GRIA1: variants seen among roughly 807,000 people sequenced by gnomAD.
The protein encoded by GRIA1 is glutamate receptor 1.
In GRIA1, 31 loss-of-function variants were observed where a neutral mutation model predicts 99.2. The observed-to-expected ratio is 0.31, with a 90% CI of 0.23 to 0.42. GRIA1 has a LOEUF of 0.42. Among genes scored for constraint, GRIA1 ranks in the 10% least tolerant of loss-of-function variants. GRIA1 has a pLI of 1.00. For synonymous variants in GRIA1, 438 were observed against 432.4 expected (o/e 1.01, Z -0.16); for missense variants, 782 against 1,157.5 (o/e 0.68, Z 4.71).
intron 8 of GRIA1, among the ~76,000 whole-genome samples, chr5:153,694,257 A>G (rs780331979): frequency 6.6e-6 from 1 of 152,008 alleles, no homozygotes; most frequent in Non-Finnish European, 1.5e-5. Context: ...ACACAGATTC[A>G]TCTTGCTTTT....
At chr5:153,571,573 C>T (rs1226749402) in intron 2 of GRIA1, among the ~76,000 whole-genome samples, 3 of 152,138 alleles carry the variant, frequency 2.0e-5, no homozygotes, top group East Asian at 1.9e-4. Context: ...ATACATGAGT[C>T]GTACAAAATC....
At chr5:153,745,112 C>T (rs1762054940) in intron 11 of GRIA1, among the ~76,000 whole-genome samples, 1 of 152,190 alleles carries the variant, frequency 6.6e-6, no homozygotes, top group African/African-American at 2.4e-5. Context: ...CTTTGCTCTT[C>T]CTGTTTCCAC....
chr5:153,690,004 G>T (rs935610412), intron 8 of GRIA1, among the ~76,000 whole-genome samples: 42 of 152,250 alleles, frequency 2.8e-4, no homozygotes, highest in African/African-American at 9.4e-4. Flanking sequence ...AGAAGTGGAG[G>T]CACTGTAGCA....
Position 153,647,164 on chromosome 5 carries a change from C to T in GRIA1, c.457C>T (p.Arg153Trp), listed in dbSNP as rs562539388. The change falls in exon 3 of 16, where the codon CGG becomes TGG. Residue 153 changes from arginine to tryptophan, a missense_variant. Physicochemically the swap from Arg to Trp is moderately radical, Grantham distance 101. This residue lies in a region of GRIA1 where 461 missense variants were observed against 521.7 expected (regional missense o/e 0.88). Coordinates refer to ENST00000285900, the MANE Select transcript of GRIA1 (RefSeq NM_000827.4). ...QKFVYIYDAD[R>W]GLSVLQKVLD... Reference sequence around the variant, plus strand: ...ATTTGTCTACATTTATGATGCCGACCGGGGTAAGCCAAGGGTTAGGGGAGG... The same window carrying T: ...ATTTGTCTACATTTATGATGCCGACTGGGGTAAGCCAAGGGTTAGGGGAGG... 37 of 1,613,568 alleles carry T rather than the reference C, an allele frequency of 2.3e-5. No individual in the cohort carries two copies. Among genetic ancestry groups the T allele is most frequent in the Admixed American group, 6.7e-5 (4 of 59,972 alleles).
chr5:153,588,685 C>G (rs1365750529), intron 2 of GRIA1, among the ~76,000 whole-genome samples: 4 of 151,760 alleles, frequency 2.6e-5, no homozygotes, highest in Non-Finnish European at 5.9e-5. Flanking sequence ...TTAAATAAAG[C>G]CTTGAGCATA....
chr5:153,578,773 T>G (rs1030852696), intron 2 of GRIA1, among the ~76,000 whole-genome samples: 1 of 152,134 alleles, frequency 6.6e-6, no homozygotes, highest in Non-Finnish European at 1.5e-5. Flanking sequence ...CTGGGCATGG[T>G]GGCGTGCACC....
intron 1 of GRIA1, chr5:153,492,083 C>A (rs932948546): frequency 1.5e-6 from 2 of 1,360,020 alleles, no homozygotes; most frequent in African/African-American, 2.9e-5. Flanking sequence ...TAGTCTCTCT[C>A]CCCTGGTAGG....
At chr5:153,778,190 AGAGTGTGTGTGTGTGTGT>A (rs1764393957) in intron 13 of GRIA1, among the ~76,000 whole-genome samples, 1 of 141,540 alleles carries the variant, frequency 7.1e-6, no homozygotes, top group African/African-American at 2.7e-5. Flanking sequence ...AGAGAGAGAG[AGAGTGTGTGTGTGTGTGT>A]GTGTGTGTGT....
At chr5:153,612,249 C>T (rs1179422302) in intron 2 of GRIA1, among the ~76,000 whole-genome samples, 11 of 152,116 alleles carry the variant, frequency 7.2e-5, no homozygotes, top group Non-Finnish European at 8.8e-5. Context: ...GGAGAGAGTG[C>T]CTATAATGAG....
Position 153,698,089 on chromosome 5 carries a change from G to A in GRIA1, c.1180G>A (p.Asp394Asn), listed in dbSNP as rs749526322. The A allele has an allele frequency of 1.9e-5, 31 of 1,611,574 alleles. No homozygotes were observed. The Admixed American group carries it at 3.0e-4, about 16-fold the overall frequency. ...TGATAAGTTTGTCCCTGCAGCCACC[G>A]ATGCCCAAGCTGGGGGCGATAATTC... ...EDDKFVPAAT[D>N]AQAGGDNSSV... Residue 394 changes from aspartate (D) to asparagine (N), a missense_variant, in exon 9 of 16, where the codon GAT (aspartate) becomes AAT (asparagine). By Grantham distance (23) the Asp-to-Asn change is conservative (BLOSUM62 1). This residue lies in a region of GRIA1 where 461 missense variants were observed against 521.7 expected (regional missense o/e 0.88). Coordinates refer to ENST00000285900, the MANE Select transcript of GRIA1 (RefSeq NM_000827.4).
intron 11 of GRIA1, among the ~76,000 whole-genome samples, chr5:153,711,561 C>A (rs1759317675): frequency 6.6e-6 from 1 of 152,102 alleles, no homozygotes; most frequent in Admixed American, 6.5e-5. Context: ...CTACCCACCC[C>A]ATGTTACACA....
intron 4 of GRIA1, among the ~76,000 whole-genome samples, chr5:153,652,071 T>C (rs978720385): frequency 2.2e-4 from 34 of 152,208 alleles, no homozygotes; most frequent in African/African-American, 8.0e-4. Flanking sequence ...GAACAGAGTC[T>C]GCCCCACAGT....
At chr5:153,551,856 T>C (rs996510196) in intron 2 of GRIA1, among the ~76,000 whole-genome samples, 8 of 152,204 alleles carry the variant, frequency 5.3e-5, no homozygotes, top group African/African-American at 1.7e-4. Flanking sequence ...GTGTTTCCTT[T>C]CTGTGATCAT....
At chr5:153,727,332 G>A (rs1426363596) in intron 11 of GRIA1, among the ~76,000 whole-genome samples, 2 of 152,136 alleles carry the variant, frequency 1.3e-5, no homozygotes, top group Admixed American at 1.3e-4. Flanking sequence ...GCACAAGACA[G>A]GGATGCCCTC....
intron 11 of GRIA1, among the ~76,000 whole-genome samples, chr5:153,712,212 CAG>C (rs1389349639): frequency 6.6e-6 from 1 of 152,088 alleles, no homozygotes; most frequent in African/African-American, 2.4e-5. Context: ...CCACCATGCC[CAG>C]CTAATTGTTG....
chr5:153,558,188 T>C (rs1164416824), intron 2 of GRIA1: 1 of 152,184 alleles, frequency 6.6e-6, no homozygotes, highest in African/African-American at 2.4e-5. Flanking sequence ...ACCACCGTCA[T>C]ATAAGCAGGT....
intron 11 of GRIA1, among the ~76,000 whole-genome samples, chr5:153,729,047 T>C (rs902863184): frequency 6.8e-6 from 1 of 147,840 alleles, no homozygotes. Flanking sequence ...TGGAATACTA[T>C]GCAGCCATAA....
chr5:153,519,277 A>G (rs1756919106), intron 2 of GRIA1, among the ~76,000 whole-genome samples: 1 of 152,020 alleles, frequency 6.6e-6, no homozygotes, highest in Admixed American at 6.6e-5. Flanking sequence ...AAAAGGAAAG[A>G]AAAGAAATGC....
At chr5:153,545,854 A>T (rs1759568361) in intron 2 of GRIA1, among the ~76,000 whole-genome samples, 2 of 152,326 alleles carry the variant, frequency 1.3e-5, no homozygotes, top group South Asian at 4.1e-4. Flanking sequence ...ATTTACAAAC[A>T]GATAGCTGAA....
Sources: allele counts gnomAD v4.1 joint callset (sites outside exome capture counted in the v4.1 genomes callset), GRCh38; gene constraint gnomAD v4.1.1; regional missense constraint gnomAD v4.1.1; transcripts MANE v1.5; gene names NCBI Gene and HGNC (gene_info 2026-07-23, HGNC 2026-07-21).